Variants in GAN observed in about 807,000 individuals in gnomAD.
GAN encodes epididymis secretory sperm binding protein.
In GAN, 48 loss-of-function variants were observed where a neutral mutation model predicts 71.3. The ratio of observed to expected loss-of-function variants is 0.67; its 90% CI spans 0.53 to 0.86. The LOEUF (loss-of-function observed/expected upper bound fraction) is 0.86. Ranked by LOEUF, GAN falls within the 40% of genes least tolerant of loss-of-function variation. The probability of loss-of-function intolerance (pLI) is 0.00; values close to 1 mark genes in which losing one functional copy is unlikely to be tolerated. For synonymous variants in GAN, 386 were observed against 276.8 expected (o/e 1.39, Z -3.92); for missense variants, 928 against 770.1 (o/e 1.21, Z -2.43).
chr16:81,365,446 C>G lies in GAN; in HGVS notation c.1470C>G (p.Cys490Trp). 6.2e-7 allele frequency: 1 copy of G among 1,613,494 alleles called. No individual in the cohort carries two copies. The highest frequency in any genetic ancestry group is 8.5e-7 in the Non-Finnish European group (1 of 1,179,858). Reference protein sequence around the residue: ...EDAQGSEMVTCKSEFYHDEFK... With the variant: ...EDAQGSEMVTWKSEFYHDEFK... ...CCCAGGGTAGCGAGATGGTAACTTG[C>G]AAGTCCGAGTTCTACCATGATGAGT... is the stretch of plus-strand genomic sequence containing the variant. Residue 490 changes from cysteine to tryptophan, a missense_variant, in exon 9 of 11, where the codon TGC becomes TGG. Cys to Trp is a radical substitution (Grantham distance 215). Transcript: ENST00000648994.
chr16:81,354,751 GA>G lies in GAN; in HGVS notation c.632del (p.Lys211ArgfsTer4), dbSNP rs1250211414. ...TGGATAGCACATGATACAGAAATAA[GA>G]AAGGTACCTGTCATTTATAACATGG... ...IRWIAHDTEI[R>X]KVHMKDVMSA... On this transcript the variant is annotated frameshift_variant, in exon 3 of 11. Transcript: ENST00000648994. LOFTEE classifies it high-confidence loss of function. 6.5e-7 allele frequency: 1 copy of G among 1,547,180 alleles called. No homozygotes were observed. The highest frequency in any genetic ancestry group is 8.9e-7 in the Non-Finnish European group (1 of 1,119,134).
chr16:81,362,429 A>ATATAT, intron 5 of GAN, 70 bp from the exon 6 acceptor site: 1 of 806,276 alleles, frequency 1.2e-6, no homozygotes, highest in African/African-American at 1.7e-5. Flanking sequence ...TGCTGTTTCT[A>ATATAT]TATATGCTGT....
chr16:81,359,606 A>G (rs988834480), intron 5 of GAN, among the ~76,000 whole-genome samples: 2 of 152,012 alleles, frequency 1.3e-5, no homozygotes, highest in African/African-American at 4.8e-5. Flanking sequence ...GTTTTTCTTC[A>G]TTTTCCATTT....
At chr16:81,326,050 C>G (rs1909375129) in intron 1 of GAN, among the ~76,000 whole-genome samples, 1 of 152,180 alleles carries the variant, frequency 6.6e-6, no homozygotes, top group Admixed American at 6.5e-5. Flanking sequence ...CAAATAATCA[C>G]TCCCTCCAGC....
At chr16:81,355,095 A>G (rs2150685974) in intron 3 of GAN, among the ~76,000 whole-genome samples, 1 of 152,238 alleles carries the variant, frequency 6.6e-6, no homozygotes, top group South Asian at 2.1e-4. Flanking sequence ...GACCTACTAT[A>G]TCACTAGGCT....
At chr16:81,356,289 C>T (rs1235568314) in intron 3 of GAN, among the ~76,000 whole-genome samples, 1 of 152,084 alleles carries the variant, frequency 6.6e-6, no homozygotes, top group Non-Finnish European at 1.5e-5. Flanking sequence ...GTAATTACTG[C>T]AAAAATGATT....
chr16:81,349,852 G>A (rs1253527137), intron 1 of GAN, among the ~76,000 whole-genome samples: 4 of 152,236 alleles, frequency 2.6e-5, no homozygotes, highest in African/African-American at 9.6e-5. Flanking sequence ...AGAAAACATG[G>A]TTGTTAGGTA....
chr16:81,353,252 A>T (rs1168035818), intron 2 of GAN, among the ~76,000 whole-genome samples: 2 of 147,518 alleles, frequency 1.4e-5, no homozygotes, highest in African/African-American at 5.1e-5. Context: ...AGATTGCGCC[A>T]CTGCACTCCA....
At chr16:81,361,599 TA>T (rs1164281829) in intron 5 of GAN, among the ~76,000 whole-genome samples, 1 of 152,236 alleles carries the variant, frequency 6.6e-6, no homozygotes, top group African/African-American at 2.4e-5. Flanking sequence ...GCCCTCAGTG[TA>T]AAATGGTTTT....
In GAN at chr16:81,381,583, C is replaced by T. The variant is rs960222922; in HGVS notation, c.*3987C>T. On this transcript the variant is annotated 3_prime_UTR_variant, in exon 11 of 11. Coordinates refer to ENST00000648994, the MANE Select transcript of GAN (RefSeq NM_022041.4). ...CCAACACATGTCTGATGAGCACCCA[C>T]TAGGAACTGTGCTTGCCATCCTGGG... 6.6e-6 allele frequency: 1 copy of T among 152,254 alleles called. No homozygotes were observed. The highest frequency in any genetic ancestry group is 2.4e-5 in the African/African-American group (1 of 41,444). The allele number at this position is 152,254 out of a possible 1,614,324, so 9.4% of individuals were successfully genotyped here. A position where few individuals can be genotyped will look rare whatever the true frequency, so the allele number is the denominator to read the frequency against.
intron 9 of GAN, among the ~76,000 whole-genome samples, chr16:81,369,793 A>G (rs1162971014): frequency 2.0e-5 from 3 of 151,526 alleles, no homozygotes; most frequent in Non-Finnish European, 4.4e-5. Flanking sequence ...CGTGGTCTCG[A>G]TCTCCTGACC....
intron 9 of GAN, among the ~76,000 whole-genome samples, chr16:81,370,126 G>A (rs1350388330): frequency 1.3e-5 from 2 of 152,166 alleles, no homozygotes; most frequent in African/African-American, 4.8e-5. Context: ...CTTGCCTCAG[G>A]GCTGTATCAA....
chr16:81,339,920 T>C (rs531945423), intron 1 of GAN, among the ~76,000 whole-genome samples: 74 of 152,288 alleles, frequency 4.9e-4, no homozygotes, highest in African/African-American at 1.8e-3. Context: ...TACTTAACCT[T>C]CAGGTGTTTG....
intron 9 of GAN, among the ~76,000 whole-genome samples, chr16:81,367,554 A>C (rs1910901194): frequency 6.6e-6 from 1 of 152,192 alleles, no homozygotes; most frequent in African/African-American, 2.4e-5. Context: ...ACTTCCAAAT[A>C]AAATTAATGT....
chr16:81,367,092 G>T (rs1247590860), intron 9 of GAN, among the ~76,000 whole-genome samples: 1 of 152,072 alleles, frequency 6.6e-6, no homozygotes, highest in African/African-American at 2.4e-5. Context: ...CAAAGTGCTG[G>T]GATTACAGGC....
Position 81,314,963 on chromosome 16 carries a change from G to T in GAN, c.-151G>T, listed in dbSNP as rs937639042. 3.5e-6 allele frequency: 2 copies of T among 569,800 alleles called. No homozygotes were observed. The highest frequency in any genetic ancestry group is 5.3e-6 in the Non-Finnish European group (2 of 374,474). The allele number at this position is 569,800 out of a possible 1,614,324, so 35.3% of individuals were successfully genotyped here. ...AAAGGCGCCGGCCCAGCGCGCCGCG[G>T]ATAGCACAGGCACGTCCCGGGGGCT... On this transcript the variant is annotated 5_prime_UTR_variant, in exon 1 of 11. Transcript: ENST00000648994.
Position 81,387,468 on chromosome 16 carries a change from G to C in GAN, c.*9872G>C, listed in dbSNP as rs1904436630. The C allele has an allele frequency of 1.3e-5, 2 of 152,456 alleles. No homozygotes were observed. Among genetic ancestry groups the C allele is most frequent in the African/African-American group, 4.8e-5 (2 of 41,418 alleles). The allele number at this position is 152,456 out of a possible 1,614,324, so 9.4% of individuals were successfully genotyped here. A position where few individuals can be genotyped will look rare whatever the true frequency, so the allele number is the denominator to read the frequency against. On this transcript the variant is annotated 3_prime_UTR_variant, in exon 11 of 11. Transcript: ENST00000648994. The stretch of plus-strand genomic sequence containing the variant: ...TACTGCAGTTTTATTCTCAGCTCTG[G>C]AAGGAGAGGGAACGAGCCTCTGCCT...
In GAN at chr16:81,326,195, C is replaced by CA. The variant is rs148859908; in HGVS notation, c.167+10916dup. Among the ~76,000 whole-genome samples the CA allele has an allele frequency of 8.0e-4, 122 of 152,248 alleles. No homozygotes were observed. In the East Asian group the frequency reaches 0.021, roughly 27 times the overall value. ...TTTTTTGTCCAGGGCCAGGGGCACT[C>CA]AGTCCGTAAGCAGAACTTTCATACG... On this transcript the variant is annotated intron_variant, in intron 1 of 10. Transcript: ENST00000648994.
At position 81,357,807 on chromosome 16, in the gene GAN, T is replaced by C; in HGVS notation, c.852-3T>C. 6.2e-7 allele frequency: 1 copy of C among 1,612,878 alleles called. No individual in the cohort carries two copies. On this transcript the variant is annotated splice_polypyrimidine_tract_variant and splice_region_variant and intron_variant, in intron 4 of 10. Transcript: ENST00000648994. ...ACTACTGATCACTTATTTACTTCCT[T>C]AGTTCACGGAAACCCACAGCAGCGA...
Sources: gnomAD v4.1 joint callset for allele counts (sites outside exome capture counted in the v4.1 genomes callset) on GRCh38, gnomAD v4.1.1 for gene constraint, MANE v1.5 for transcripts, NCBI Gene and HGNC (gene_info 2026-07-23, HGNC 2026-07-21) for gene names.